Variants in POTEJ observed in about 807,000 individuals in gnomAD.
POTEJ encodes POTE ankyrin domain family member J, also known as POTE ankyrin domain family, member J.
A neutral mutation model predicts 69.0 loss-of-function variants in POTEJ; 11 were observed. The ratio of observed to expected loss-of-function variants is 0.16; its 90% CI spans 0.10 to 0.26. POTEJ has a LOEUF of 0.26. POTEJ is among the 10% of genes least tolerant of loss of function. The probability of loss-of-function intolerance (pLI) is 1.00; values close to 1 mark genes in which losing one functional copy is unlikely to be tolerated. For missense variants in POTEJ, 327 were observed against 1,045.5 expected (o/e 0.31, Z 9.48); for synonymous variants, 117 against 381.1 (o/e 0.31, Z 8.07).
chr2:130,649,483 A>T (rs1686722443), intron 13 of POTEJ, among the ~76,000 whole-genome samples: 2 of 151,690 alleles, frequency 1.3e-5, no homozygotes, highest in Non-Finnish European at 1.5e-5. Context: ...TCTGCAGTTT[A>T]GATGAGTGTC....
intron 5 of POTEJ, among the ~76,000 whole-genome samples, chr2:130,622,327 T>C (rs1202951272): frequency 7.1e-5 from 2 of 28,358 alleles, no homozygotes; most frequent in Non-Finnish European, 1.4e-4. Context: ...AGTGACCAAA[T>C]TGACCCTTCC....
At chr2:130,643,532 GA>G (rs1298497950) in intron 10 of POTEJ, among the ~76,000 whole-genome samples, 2 of 140,394 alleles carry the variant, frequency 1.4e-5, no homozygotes, top group Non-Finnish European at 3.2e-5. Context: ...AAAAAAAAAA[GA>G]AAAAAAGAAA....
chr2:130,647,779 G>A (rs1423628665), intron 13 of POTEJ, among the ~76,000 whole-genome samples: 2 of 147,900 alleles, frequency 1.4e-5, no homozygotes, highest in African/African-American at 5.1e-5. Flanking sequence ...ACAAAAACGG[G>A]CAGTGGGCTG....
At chr2:130,614,153 T>A (rs1685340994) in intron 1 of POTEJ, among the ~76,000 whole-genome samples, 1 of 103,190 alleles carries the variant, frequency 9.7e-6, no homozygotes, top group African/African-American at 4.5e-5. Context: ...TGAGACTCCA[T>A]CTCAAAAAAA....
intron 10 of POTEJ, among the ~76,000 whole-genome samples, chr2:130,639,266 T>G (rs1424941917): frequency 1.3e-5 from 2 of 152,310 alleles, no homozygotes; most frequent in African/African-American, 4.8e-5. Flanking sequence ...GGTCCTACCA[T>G]AGATTTAAAA....
intron 9 of POTEJ, among the ~76,000 whole-genome samples, chr2:130,632,861 A>C (rs1165023288): frequency 1.4e-5 from 2 of 145,318 alleles, no homozygotes; most frequent in Non-Finnish European, 3.0e-5. Flanking sequence ...GTATTGGCAA[A>C]TGTGAGGGAA....
chr2:130,614,553 A>G (rs1685361244), intron 1 of POTEJ, among the ~76,000 whole-genome samples: 1 of 148,842 alleles, frequency 6.7e-6, no homozygotes, highest in South Asian at 2.1e-4. Context: ...TGAGAAAAAA[A>G]TCAGTTTGTT....
At chr2:130,625,022 CACTA>C (rs1287743652) in intron 6 of POTEJ, among the ~76,000 whole-genome samples, 5 of 152,148 alleles carry the variant, frequency 3.3e-5, no homozygotes, top group African/African-American at 1.2e-4. Flanking sequence ...AAACGTTTCA[CACTA>C]ACAAAAATGC....
chr2:130,639,148 C>T (rs1332770262), intron 10 of POTEJ, among the ~76,000 whole-genome samples: 1 of 152,308 alleles, frequency 6.6e-6, no homozygotes, highest in African/African-American at 2.4e-5. Context: ...ACAGATGAAG[C>T]TTCCCTGGCT....
At chr2:130,627,475 C>A (rs536621413) in intron 6 of POTEJ, among the ~76,000 whole-genome samples, 1 of 138,426 alleles carries the variant, frequency 7.2e-6, no homozygotes, top group South Asian at 2.1e-4. Flanking sequence ...CAGAAAAGAG[C>A]GAGCAAGGAG....
intron 13 of POTEJ, among the ~76,000 whole-genome samples, chr2:130,648,796 T>G (rs1686691027): frequency 2.7e-5 from 3 of 109,436 alleles, no homozygotes; most frequent in East Asian, 2.1e-4. Context: ...TTTTTTTTTT[T>G]TTTTTTTTTT....
At position 130,637,997 on chromosome 2, in the gene POTEJ, C is replaced by T. The variant is rs182696108; in HGVS notation, c.1299-622C>T. Among the ~76,000 whole-genome samples, 40 of 147,652 alleles carry T rather than the reference C, an allele frequency of 2.7e-4. No homozygotes were observed. In the East Asian group the frequency reaches 6.4e-3, roughly 24 times the overall value. On this transcript the variant is annotated intron_variant, in intron 9 of 14. Transcript: ENST00000409602. ...TACAAACTATGACATAGTTGAGATGCCCTGAATTAGAAGCCATAAAGAGTA... is the reference window on the plus strand; with the variant it reads ...TACAAACTATGACATAGTTGAGATGTCCTGAATTAGAAGCCATAAAGAGTA...
Position 130,656,711 on chromosome 2 carries a change from G to A in POTEJ, c.1951G>A (p.Asp651Asn), listed in dbSNP as rs751218114. 23 of 1,610,140 alleles carry A rather than the reference G, an allele frequency of 1.4e-5. 1 individual carries two copies. In the African/African-American group the frequency reaches 2.7e-4, roughly 19 times the overall value. The change falls in exon 15 of 15, where the codon GAT becomes AAT. Residue 651 changes from aspartate to asparagine, a missense_variant. Transcript: ENST00000409602. ...TATTGAAAGTGTGAAAAAAAAGAAT[G>A]ATAATCTTTTAAAGGCTCTACAATT... is the stretch of plus-strand genomic sequence containing the variant. ...EDIESVKKKN[D>N]NLLKALQLNE...
At chr2:130,646,982 T>C (rs1389229811) in intron 13 of POTEJ, among the ~76,000 whole-genome samples, 2 of 149,628 alleles carry the variant, frequency 1.3e-5, no homozygotes, top group East Asian at 1.9e-4. Context: ...ATATAATACA[T>C]GTAAAGGATA....
intron 6 of POTEJ, among the ~76,000 whole-genome samples, chr2:130,624,665 T>C (rs1685638880): frequency 6.6e-6 from 1 of 151,900 alleles, no homozygotes; most frequent in African/African-American, 2.4e-5. Context: ...GGTATGAGTG[T>C]GTGGCCTGGG....
chr2:130,644,502 TA>T (rs1450000586), intron 11 of POTEJ, among the ~76,000 whole-genome samples: 1 of 152,266 alleles, frequency 6.6e-6, no homozygotes, highest in Non-Finnish European at 1.5e-5. Context: ...AATAGATTCT[TA>T]AAATTTATTG....
At chr2:130,628,984 C>T (rs537349818) in intron 6 of POTEJ, among the ~76,000 whole-genome samples, 26 of 149,510 alleles carry the variant, frequency 1.7e-4, no homozygotes, top group Admixed American at 1.5e-3. Flanking sequence ...TGCGACACTG[C>T]ACTCCAGCCT....
At chr2:130,641,023 T>A (rs1378933370) in intron 10 of POTEJ, among the ~76,000 whole-genome samples, 1 of 152,080 alleles carries the variant, frequency 6.6e-6, no homozygotes, top group East Asian at 1.9e-4. Context: ...AGGTGGGCAA[T>A]ATTTTAGACT....
intron 1 of POTEJ, among the ~76,000 whole-genome samples, chr2:130,613,289 CAT>C (rs1171559176): frequency 1.6e-4 from 14 of 87,630 alleles, no homozygotes; most frequent in Admixed American, 8.9e-4. Flanking sequence ...TGTATATATA[CAT>C]ATATATACAT....
Sources: gnomAD v4.1 joint callset for allele counts (sites outside exome capture counted in the v4.1 genomes callset) on GRCh38, gnomAD v4.1.1 for gene constraint, MANE v1.5 for transcripts, NCBI Gene and HGNC (gene_info 2026-07-23, HGNC 2026-07-21) for gene names.